Variants in CHD3 observed in about 807,000 individuals in gnomAD.
The protein encoded by CHD3 is chromodomain helicase DNA binding protein 3, also known as ATP-dependent chromatin remodeler CHD3.
In CHD3, 52 loss-of-function variants were observed where a neutral mutation model predicts 248.9. That is an observed-to-expected ratio of 0.21 (90% confidence interval 0.17 to 0.26). The LOEUF is 0.26. Ranked by LOEUF, CHD3 falls within the 10% of genes least tolerant of loss-of-function variation. The pLI, the probability that CHD3 is intolerant of heterozygous loss-of-function variation, is 1.00. For synonymous variants in CHD3, 985 were observed against 985.2 expected, an observed-to-expected ratio of 1.00 and a Z score of 0.00; for missense variants, 1,482 against 2,605.8, an observed-to-expected ratio of 0.57 and a Z score of 9.39.
In CHD3 at chr17:7,910,770, C is replaced by G. The variant is rs1971551641; in HGVS notation, c.5755-77C>G. The G allele has an allele frequency of 3.2e-6, 5 of 1,547,026 alleles. No individual in the cohort carries two copies. The highest frequency in any genetic ancestry group is 3.5e-6 in the Non-Finnish European group (4 of 1,147,636). On this transcript the variant is annotated intron_variant, in intron 38 of 39. Transcript: ENST00000330494. The surrounding 1 kb of genome is among the most constrained non-coding windows in gnomAD (Gnocchi z 4.7). ...CCCTTAGCAGTTGTGGAGTGTGGCT[C>G]ATAATGTCTCTCCTACAGCTTCTTT...
At position 7,895,265 on chromosome 17, in the gene CHD3, C is replaced by A; in HGVS notation, c.1504-74C>A. 2 of 1,578,020 alleles carry A rather than the reference C, an allele frequency of 1.3e-6. No homozygotes were observed. Among genetic ancestry groups the A allele is most frequent in the Non-Finnish European group, 1.7e-6 (2 of 1,154,904 alleles). ...CTGCACTCCCCCACCCTTGTGGGAC[C>A]CCTATCTTCTCATCTAACAATGGGT... On this transcript the variant is annotated intron_variant, in intron 9 of 39. Coordinates refer to ENST00000330494, the MANE Select transcript of CHD3 (RefSeq NM_001005273.3). The surrounding 1 kb of genome is among the most constrained non-coding windows in gnomAD (Gnocchi z 4.9).
In CHD3 at chr17:7,898,483, ACT is replaced by A. The variant is rs1567852028; in HGVS notation, c.2052-10_2052-9del. ...CAAGGATGAGGCCTCATTCAGACCC[ACT>A]CTTTTTCCAGAGAACTAATTATGGG... On this transcript the variant is annotated splice_polypyrimidine_tract_variant and intron_variant, in intron 12 of 39. Coordinates refer to ENST00000330494, the MANE Select transcript of CHD3 (RefSeq NM_001005273.3). 6.2e-7 allele frequency: 1 copy of A among 1,603,338 alleles called. No individual in the cohort carries two copies. The highest frequency in any genetic ancestry group is 1.7e-5 in the Admixed American group (1 of 59,622).
intron 21 of CHD3, 49 bp from the exon 22 acceptor site, chr17:7,902,888 A>G (rs1970479407): frequency 6.2e-7 from 1 of 1,604,714 alleles, no homozygotes; most frequent in African/African-American, 1.3e-5. Context: ...GAGCAGGTGG[A>G]CAGAACTACC....
Position 7,906,869 on chromosome 17 carries a change from G to A in CHD3, c.4504G>A (p.Val1502Met), listed in dbSNP as rs1245305342. The A allele has an allele frequency of 6.2e-7, 1 of 1,613,902 alleles. No individual in the cohort carries two copies. Among genetic ancestry groups the A allele is most frequent in the Non-Finnish European group, 8.5e-7 (1 of 1,179,990 alleles). ...IGVMSLVKKK[V>M]QEFEHINGRW... ...TAACCCTCCCACCCTGCCACCCCAG[G>A]TGCAGGAGTTTGAGCACATCAATGG... Residue 1502 changes from valine (V) to methionine (M), a missense_variant and splice_region_variant, in exon 30 of 40, where the codon GTG (valine) becomes ATG (methionine). Transcript: ENST00000330494. This position sits in a 1 kb window ranked among gnomAD's most constrained non-coding sequence, Gnocchi z 5.0.
At chr17:7,885,178 C>T (rs1323746848), upstream of CHD3, 3 of 978,108 alleles carry the variant, frequency 3.1e-6, no homozygotes, top group Admixed American at 6.3e-5. Context: ...GCGGCCGAGC[C>T]GAGGCGAATC....
intron 10 of CHD3, among the ~76,000 whole-genome samples, chr17:7,896,398 T>A (rs554619181): frequency 6.7e-6 from 1 of 148,798 alleles, no homozygotes; most frequent in Admixed American, 6.9e-5. Flanking sequence ...TCCTTTTTCT[T>A]TTTTTTTCTA....
chr17:7,905,790 G>A lies in CHD3; in HGVS notation c.4225-66G>A. 3 of 1,613,882 alleles carry A rather than the reference G, an allele frequency of 1.9e-6. No homozygotes were observed. Among genetic ancestry groups the A allele is most frequent in the South Asian group, 2.2e-5 (2 of 91,076 alleles). ...GAAGTTGGTGCCTGGATCACTGAAG[G>A]TAGAAAGGACAAGACCTAAGAACCC... On this transcript the variant is annotated intron_variant, in intron 27 of 39. Transcript: ENST00000330494. The surrounding 1 kb of genome is among the most constrained non-coding windows in gnomAD (Gnocchi z 5.8).
At chr17:7,896,431 G>C (rs1448536959) in intron 10 of CHD3, among the ~76,000 whole-genome samples, 2 of 141,048 alleles carry the variant, frequency 1.4e-5, no homozygotes, top group African/African-American at 5.3e-5. Context: ...TTTAGATGGA[G>C]TTTCGCTCTT....
chr17:7,885,021 T>A (rs1308450695), upstream of CHD3: 4 of 1,203,012 alleles, frequency 3.3e-6, no homozygotes, highest in South Asian at 3.9e-5. Context: ...GGCTGCCACC[T>A]CTTCCCGCCG....
At position 7,890,978 on chromosome 17, in the gene CHD3, C is replaced by G. The variant is rs768247041; in HGVS notation, c.423C>G (p.Thr141=). 6 of 1,614,114 alleles carry G rather than the reference C, an allele frequency of 3.7e-6. No individual in the cohort carries two copies. In the Admixed American group the frequency reaches 1.0e-4, roughly 27 times the overall value. The part of the protein sequence containing the change: ...EQKSSATLLL[T]WGLEDVEHVF... ...AGTCATCAGCAACTCTGCTTCTGAC[C>G]TGGGGCCTGGAGGATGTGGAGCATG... Residue 141 remains threonine (T), a synonymous_variant, in exon 4 of 40, where the codon ACC becomes ACG. Coordinates refer to ENST00000330494, the MANE Select transcript of CHD3 (RefSeq NM_001005273.3).
In CHD3 at chr17:7,899,679, A is replaced by G; in HGVS notation, c.2544+136A>G. 1.9e-6 allele frequency: 2 copies of G among 1,030,034 alleles called. No homozygotes were observed. Among genetic ancestry groups the G allele is most frequent in the South Asian group, 1.5e-5 (1 of 65,554 alleles). The allele number at this position is 1,030,034 out of a possible 1,614,324, so 63.8% of individuals were successfully genotyped here. A position where few individuals can be genotyped will look rare whatever the true frequency, so the allele number is the denominator to read the frequency against. ...CCTGTCCTCCTGTCTCTGCACTACC[A>G]TCCTAGAGATATGGCAGGTACTCCC... On this transcript the variant is annotated intron_variant, in intron 15 of 39. Coordinates refer to ENST00000330494, the MANE Select transcript of CHD3 (RefSeq NM_001005273.3). The surrounding 1 kb of genome is among the most constrained non-coding windows in gnomAD (Gnocchi z 6.8).
Position 7,904,409 on chromosome 17 carries a change from C to T in CHD3, c.3895-33C>T. On this transcript the variant is annotated intron_variant, in intron 24 of 39. Transcript: ENST00000330494. The surrounding 1 kb of genome is among the most constrained non-coding windows in gnomAD (Gnocchi z 4.4). ...GTGGAAGGATTAGCAAAGAAGGAGA[C>T]CCCCAGTGTTCATTCATTCTGTTGC... 3 of 1,591,128 alleles carry T rather than the reference C, an allele frequency of 1.9e-6. No individual in the cohort carries two copies. Among genetic ancestry groups the T allele is most frequent in the Non-Finnish European group, 2.6e-6 (3 of 1,162,678 alleles).
Position 7,904,432 on chromosome 17 carries a change from T to C in CHD3, c.3895-10T>C. ...GACCCCCAGTGTTCATTCATTCTGT[T>C]GCCCTTCAGATTGAGGAAATTGAGC... On this transcript the variant is annotated splice_polypyrimidine_tract_variant and intron_variant, in intron 24 of 39. Coordinates refer to ENST00000330494, the MANE Select transcript of CHD3 (RefSeq NM_001005273.3). The surrounding 1 kb of genome is among the most constrained non-coding windows in gnomAD (Gnocchi z 4.4). 6.2e-7 allele frequency: 1 copy of C among 1,610,000 alleles called. No individual in the cohort carries two copies. The highest frequency in any genetic ancestry group is 8.5e-7 in the Non-Finnish European group (1 of 1,176,854).
At chr17:7,893,734 C>T in intron 5 of CHD3, 71 bp from the exon 6 acceptor site, 1 of 1,575,734 alleles carries the variant, frequency 6.3e-7, no homozygotes, top group Non-Finnish European at 8.6e-7. Context: ...CCAGAGGCCC[C>T]TGTGACCTCC....
intron 2 of CHD3, 73 bp from the exon 3 acceptor site, chr17:7,890,498 T>A (rs1968684949): frequency 7.8e-6 from 8 of 1,028,764 alleles, no homozygotes; most frequent in Non-Finnish European, 1.1e-5. Context: ...AGAGGTAAGA[T>A]ATGGTATGTG....
chr17:7,890,472 T>C (rs1567834507), intron 2 of CHD3, 99 bp from the exon 3 acceptor site: 2 of 808,454 alleles, frequency 2.5e-6, no homozygotes, highest in Non-Finnish European at 3.7e-6. Flanking sequence ...ATCACAGGAT[T>C]GTTGTGAAGA....
At position 7,907,057 on chromosome 17, in the gene CHD3, G is replaced by A. The variant is rs769080051; in HGVS notation, c.4666+26G>A. ...GTAATCAGAAGTCAGGATGGTGGGA[G>A]AGACAGAAAGGGAGCCAGGAGTCAG... On this transcript the variant is annotated intron_variant, in intron 30 of 39. Transcript: ENST00000330494. The surrounding 1 kb of genome is among the most constrained non-coding windows in gnomAD (Gnocchi z 4.3). The A allele has an allele frequency of 1.2e-6, 2 of 1,613,944 alleles. No individual in the cohort carries two copies. The highest frequency in any genetic ancestry group is 2.2e-5 in the South Asian group (2 of 91,074).
At position 7,899,177 on chromosome 17, in the gene CHD3, T is replaced by C. The variant is rs780284516; in HGVS notation, c.2318T>C (p.Val773Ala). The change falls in exon 14 of 40, where the codon GTC becomes GCC. Residue 773 changes from valine to alanine, a missense_variant. By Grantham distance (64) the Val-to-Ala change is moderately conservative. This residue lies in a region of CHD3 where 18 missense variants were observed against 88.8 expected (regional missense o/e 0.20). Transcript: ENST00000330494. The surrounding 1 kb of genome is among the most constrained non-coding windows in gnomAD (Gnocchi z 6.8). Reference sequence around the variant, plus strand: ...CTAGGCAAGACCATACAAACCATCGTCTTCCTCTACTCACTCTACAAGGAG... The same window carrying C: ...CTAGGCAAGACCATACAAACCATCGCCTTCCTCTACTCACTCTACAAGGAG... ...MGLGKTIQTI[V>A]FLYSLYKEGH... is the part of the protein sequence containing the mutation. 1 of 1,613,986 alleles carries C rather than the reference T, an allele frequency of 6.2e-7. No individual in the cohort carries two copies.
In CHD3 at chr17:7,900,786, C is replaced by G. The variant is rs1970207759; in HGVS notation, c.2978+55C>G. On this transcript the variant is annotated intron_variant, in intron 18 of 39. Coordinates refer to ENST00000330494, the MANE Select transcript of CHD3 (RefSeq NM_001005273.3). This position sits in a 1 kb window ranked among gnomAD's most constrained non-coding sequence, Gnocchi z 6.5. Reference sequence around the variant, plus strand: ...GGGCTTGGGGATTGATGGGAGCGTTCCAAGTGCAATATCATAATTGCTTCC... The same window carrying G: ...GGGCTTGGGGATTGATGGGAGCGTTGCAAGTGCAATATCATAATTGCTTCC... The G allele has an allele frequency of 1.9e-6, 3 of 1,610,008 alleles. No homozygotes were observed. The South Asian group carries it at 3.3e-5, about 18-fold the overall frequency.
Sources: gnomAD v4.1 joint callset for allele counts (sites outside exome capture counted in the v4.1 genomes callset) on GRCh38, gnomAD v4.1.1 for gene constraint, gnomAD v4.1.1 regional missense constraint, Gnocchi (gnomAD v3.1) non-coding constraint, MANE v1.5 for transcripts, NCBI Gene and HGNC (gene_info 2026-07-23, HGNC 2026-07-21) for gene names.